VWA3B: variants seen among roughly 807,000 people sequenced by gnomAD.
VWA3B encodes von Willebrand factor A domain containing 3B.
In VWA3B, 138 loss-of-function variants were observed where a neutral mutation model predicts 158.3. The ratio of observed to expected loss-of-function variants is 0.87; its 90% confidence interval spans 0.76 to 1.00. The LOEUF is 1.00. Ranked by LOEUF, VWA3B falls within the 50% of genes least tolerant of loss-of-function variation. The probability of loss-of-function intolerance (pLI) is 0.00; values close to 1 mark genes in which losing one functional copy is unlikely to be tolerated. For synonymous variants in VWA3B, 596 were observed against 587.3 expected, an observed-to-expected ratio of 1.01 and a Z score of -0.21; for missense variants, 1,555 against 1,565.1, an observed-to-expected ratio of 0.99 and a Z score of 0.11.
At chr2:98,244,004 G>A (rs762328192) in intron 19 of VWA3B, among the ~76,000 whole-genome samples, 3 of 152,152 alleles carry the variant, frequency 2.0e-5, no homozygotes, top group Non-Finnish European at 4.4e-5. Flanking sequence ...ATAATCACCA[G>A]TTTCACACTA....
chr2:98,173,882 G>A (rs1202102903), intron 8 of VWA3B, among the ~76,000 whole-genome samples: 2 of 152,006 alleles, frequency 1.3e-5, no homozygotes, highest in Admixed American at 1.3e-4. Context: ...AAGGAGAATT[G>A]CTTGAACTCG....
intron 13 of VWA3B, among the ~76,000 whole-genome samples, chr2:98,213,333 C>T (rs1282077079): frequency 6.6e-6 from 1 of 152,040 alleles, no homozygotes; most frequent in Admixed American, 6.5e-5. Context: ...TCGGAGGAGC[C>T]GCCCACCCTA....
chr2:98,286,516 T>A (rs1477001666), intron 22 of VWA3B, among the ~76,000 whole-genome samples: 1 of 152,152 alleles, frequency 6.6e-6, no homozygotes, highest in Non-Finnish European at 1.5e-5. Flanking sequence ...TGCATTGAAA[T>A]AACCATATGG....
chr2:98,277,673 T>C (rs1489022938), intron 22 of VWA3B, among the ~76,000 whole-genome samples: 1 of 152,150 alleles, frequency 6.6e-6, no homozygotes, highest in Non-Finnish European at 1.5e-5. Flanking sequence ...GGGAATTGAG[T>C]GCTCTGCTCC....
At chr2:98,235,428 CTT>C (rs769181243) in intron 17 of VWA3B, among the ~76,000 whole-genome samples, 45 of 142,304 alleles carry the variant, frequency 3.2e-4, no homozygotes, top group Admixed American at 3.5e-4. Context: ...CTTTTCCTCA[CTT>C]TTTTTTTTTT....
chr2:98,142,082 T>C (rs1676814598), intron 7 of VWA3B, among the ~76,000 whole-genome samples: 1 of 152,188 alleles, frequency 6.6e-6, no homozygotes, highest in Non-Finnish European at 1.5e-5. Flanking sequence ...TCCCGAGCTT[T>C]ACCCACAGTT....
intron 12 of VWA3B, among the ~76,000 whole-genome samples, chr2:98,208,069 G>T (rs1438165201): frequency 6.6e-6 from 1 of 151,582 alleles, no homozygotes; most frequent in East Asian, 1.9e-4. Flanking sequence ...CACATTTAGG[G>T]TCATTGTCTT....
intron 21 of VWA3B, among the ~76,000 whole-genome samples, chr2:98,266,187 T>G (rs1401107255): frequency 1.5e-4 from 22 of 151,648 alleles, no homozygotes; most frequent in Non-Finnish European, 2.8e-4. Context: ...GGTCTAACGT[T>G]TAAGTCTTTA....
At position 98,246,755 on chromosome 2, in the gene VWA3B, C is replaced by T. The variant is rs564589377; in HGVS notation, c.2674-3563C>T. ...TTAAAACTTTATAGAAATGGTATTA[C>T]ACTGGAAGCACCATTATGAAACTTA... On this transcript the variant is annotated intron_variant, in intron 19 of 27. Coordinates refer to ENST00000477737, the MANE Select transcript of VWA3B (RefSeq NM_144992.5). Among the ~76,000 whole-genome samples the T allele has an allele frequency of 3.9e-5, 6 of 152,218 alleles. No individual in the cohort carries two copies. The South Asian group carries it at 1.2e-3, about 32-fold the overall frequency.
chr2:98,221,139 A>C (rs1331598617), intron 14 of VWA3B, among the ~76,000 whole-genome samples: 1 of 152,148 alleles, frequency 6.6e-6, no homozygotes, highest in Admixed American at 6.5e-5. Flanking sequence ...GTAAAAAAAA[A>C]AAAATGACAC....
chr2:98,208,338 G>A (rs1683195085), intron 12 of VWA3B, among the ~76,000 whole-genome samples: 1 of 152,138 alleles, frequency 6.6e-6, no homozygotes, highest in South Asian at 2.1e-4. Context: ...ATTGGTATAT[G>A]TAGGTGATTT....
At chr2:98,303,863 T>C in intron 26 of VWA3B, 61 bp downstream of exon 26, 1 of 1,513,914 alleles carries the variant, frequency 6.6e-7, no homozygotes, top group Non-Finnish European at 9.1e-7. Flanking sequence ...CTTTAATCTG[T>C]TTTTGAGATG....
rs200221500 is a variant in VWA3B, at chr2:98,162,939, C to T, written c.1077C>T (p.Ala359=). 88 of 1,614,004 alleles carry T rather than the reference C, an allele frequency of 5.5e-5. No individual in the cohort carries two copies. The African/African-American group carries it at 5.7e-4, about 11-fold the overall frequency. ...TGGCCCAGATCCAGAGGCTGGTGGC[C>T]GAGCCTCCCAAGCCCGACGTGGCCA... ...STLAQIQRLV[A]EPPKPDVATV... is the part of the protein sequence containing the mutation. Residue 359 remains alanine (A), a synonymous_variant, in exon 8 of 28, where the codon GCC becomes GCT. Coordinates refer to ENST00000477737, the MANE Select transcript of VWA3B (RefSeq NM_144992.5).
intron 7 of VWA3B, among the ~76,000 whole-genome samples, chr2:98,159,916 A>C (rs1573939866): frequency 6.6e-6 from 1 of 151,966 alleles, no homozygotes; most frequent in South Asian, 2.1e-4. Context: ...AGGCTGAGGC[A>C]CAAGAATCGC....
chr2:98,212,056 G>A (rs769084867), intron 13 of VWA3B, 28 bp downstream of exon 13: 5 of 1,598,140 alleles, frequency 3.1e-6, no homozygotes, highest in Non-Finnish European at 4.3e-6. Flanking sequence ...GAACAAAGAG[G>A]GCCTCACTGA....
intron 9 of VWA3B, among the ~76,000 whole-genome samples, chr2:98,187,712 G>A (rs1158426033): frequency 6.7e-6 from 1 of 148,744 alleles, no homozygotes; most frequent in Non-Finnish European, 1.5e-5. Context: ...GTCGGTTGGG[G>A]GTGTCTCTAT....
At chr2:98,300,636 G>A (rs1348662451) in intron 25 of VWA3B, among the ~76,000 whole-genome samples, 1 of 151,926 alleles carries the variant, frequency 6.6e-6, no homozygotes, top group Non-Finnish European at 1.5e-5. Context: ...CGCTAGTGCT[G>A]TCCTCCTCTG....
intron 26 of VWA3B, among the ~76,000 whole-genome samples, chr2:98,306,494 C>T (rs1690533836): frequency 6.6e-6 from 1 of 152,092 alleles, no homozygotes; most frequent in Non-Finnish European, 1.5e-5. Flanking sequence ...CTACAATTCT[C>T]CATTCTTTGT....
chr2:98,284,098 C>T (rs955190890), intron 22 of VWA3B, among the ~76,000 whole-genome samples: 2 of 152,108 alleles, frequency 1.3e-5, no homozygotes, highest in African/African-American at 4.8e-5. Context: ...AGGGAGGGAC[C>T]CAAGCAAAGT....
Sources: allele counts gnomAD v4.1 joint callset (sites outside exome capture counted in the v4.1 genomes callset), GRCh38; gene constraint gnomAD v4.1.1; transcripts MANE v1.5; gene names NCBI Gene and HGNC (gene_info 2026-07-23, HGNC 2026-07-21).